Variants in PCDHA3 observed in about 807,000 individuals in gnomAD.
The protein encoded by PCDHA3 is protocadherin alpha-3.
Under a neutral mutation model 62.2 loss-of-function variants are expected in PCDHA3, and 41 were observed. The ratio of observed to expected loss-of-function variants is 0.66; its 90% CI spans 0.51 to 0.86. PCDHA3 has a LOEUF of 0.86. PCDHA3 is among the 40% of genes least tolerant of loss of function. PCDHA3 has a pLI of 0.00. For missense variants in PCDHA3, 1,304 were observed against 1,241.2 expected (o/e 1.05, Z -0.76); for synonymous variants, 640 against 555.4 (o/e 1.15, Z -2.14).
In PCDHA3 at chr5:140,862,537, C is replaced by A. The variant is rs56017024; in HGVS notation, c.2394+58946C>A. The A allele has an allele frequency of 9.8e-3, 4,308 of 440,540 alleles. 34 individuals carry two copies. The highest frequency in any genetic ancestry group is 0.014 in the Non-Finnish European group (3,070 of 217,342). The allele number at this position is 440,540 out of a possible 1,614,324, so 27.3% of individuals were successfully genotyped here. A position where few individuals can be genotyped will look rare whatever the true frequency, so the allele number is the denominator to read the frequency against. On this transcript the variant is annotated intron_variant, in intron 1 of 3. Transcript: ENST00000522353. The stretch of plus-strand genomic sequence containing the variant: ...CATTGTTGGCCACAGCCATCGGGTC[C>A]GTGGAAGTGGCCGAACAGTGAACCA...
At chr5:140,968,907 C>G in intron 1 of PCDHA3, 1 of 1,614,180 alleles carries the variant, frequency 6.2e-7, no homozygotes. Context: ...GCATTAAGCA[C>G]AGTGTCTTTT....
intron 1 of PCDHA3, among the ~76,000 whole-genome samples, chr5:140,962,617 G>A (rs189225320): frequency 3.8e-4 from 58 of 152,276 alleles, no homozygotes; most frequent in Non-Finnish European, 1.9e-4. Context: ...GAGGAAGGGA[G>A]ATGTGAAAAA....
chr5:140,872,817 T>G (rs1316271424), intron 1 of PCDHA3, among the ~76,000 whole-genome samples: 1 of 152,214 alleles, frequency 6.6e-6, no homozygotes, highest in African/African-American at 2.4e-5. Context: ...TTTTTCAGAT[T>G]CATCTAGCAG....
At chr5:140,869,044 C>T (rs2050811433) in intron 1 of PCDHA3, 1 of 1,530,006 alleles carries the variant, frequency 6.5e-7, no homozygotes, top group Non-Finnish European at 8.8e-7. Flanking sequence ...TAACCTGAAA[C>T]TGAAGAATCT....
intron 1 of PCDHA3, among the ~76,000 whole-genome samples, chr5:140,962,147 T>C (rs2095660496): frequency 1.3e-5 from 2 of 152,176 alleles, no homozygotes; most frequent in South Asian, 4.1e-4. Context: ...AGTGCTGGGA[T>C]TACAGGCGTG....
intron 1 of PCDHA3, among the ~76,000 whole-genome samples, chr5:140,974,639 G>A (rs896104665): frequency 2.0e-5 from 3 of 152,198 alleles, no homozygotes; most frequent in African/African-American, 7.2e-5. Context: ...AACCTCCCGA[G>A]TAGCTGAGAT....
At chr5:140,965,314 T>C (rs563123453) in intron 1 of PCDHA3, among the ~76,000 whole-genome samples, 1 of 152,254 alleles carries the variant, frequency 6.6e-6, no homozygotes, top group East Asian at 1.9e-4. Flanking sequence ...TACCTTCTCT[T>C]TTACTGAAGT....
intron 1 of PCDHA3, among the ~76,000 whole-genome samples, chr5:140,952,804 C>T (rs191550367): frequency 2.6e-5 from 4 of 152,282 alleles, no homozygotes; most frequent in Non-Finnish European, 5.9e-5. Flanking sequence ...GCTCGCAGTT[C>T]TGCAGGCTGT....
intron 1 of PCDHA3, chr5:140,807,743 G>A (rs1383891964): frequency 6.2e-7 from 1 of 1,614,054 alleles, no homozygotes. Context: ...ACCACCTGAT[G>A]ACGAGCTGGT....
chr5:140,843,822 A>G (rs1455613336), intron 1 of PCDHA3: 2 of 1,214,208 alleles, frequency 1.6e-6, no homozygotes, highest in African/African-American at 1.5e-5. Flanking sequence ...GTGAAAATTT[A>G]AACATTGTTT....
chr5:140,949,764 G>A (rs1168507534), intron 1 of PCDHA3, among the ~76,000 whole-genome samples: 2 of 151,746 alleles, frequency 1.3e-5, no homozygotes, highest in African/African-American at 2.4e-5. Flanking sequence ...TCACATTAGT[G>A]TAATATTTGA....
At chr5:140,999,837 A>T (rs2097878885) in intron 3 of PCDHA3, among the ~76,000 whole-genome samples, 1 of 152,206 alleles carries the variant, frequency 6.6e-6, no homozygotes, top group Non-Finnish European at 1.5e-5. Context: ...AAATATGCCA[A>T]GTGTATTTAT....
intron 1 of PCDHA3, chr5:140,823,826 G>C: frequency 6.2e-7 from 1 of 1,613,820 alleles, no homozygotes; most frequent in Non-Finnish European, 8.5e-7. Flanking sequence ...GCGTCGGCGG[G>C]CGCTGTGGGT....
chr5:140,892,332 T>C (rs552266223), intron 1 of PCDHA3, among the ~76,000 whole-genome samples: 41 of 152,392 alleles, frequency 2.7e-4, no homozygotes, highest in African/African-American at 9.9e-4. Flanking sequence ...TTCTCCAGAA[T>C]GGATTTTAAT....
chr5:140,930,985 A>G (rs2087229279), intron 1 of PCDHA3, among the ~76,000 whole-genome samples: 1 of 152,110 alleles, frequency 6.6e-6, no homozygotes, highest in Non-Finnish European at 1.5e-5. Context: ...TTTCTTCCTC[A>G]TGACCTACAC....
At chr5:140,849,809 G>A (rs147465571) in intron 1 of PCDHA3, 3 of 1,598,384 alleles carry the variant, frequency 1.9e-6, no homozygotes, top group East Asian at 2.2e-5. Context: ...TGTGGGCCAC[G>A]GCCAGGGTGT....
At chr5:140,877,928 TTC>T in intron 1 of PCDHA3, 1 of 1,415,260 alleles carries the variant, frequency 7.1e-7, no homozygotes, top group Non-Finnish European at 9.3e-7. Context: ...TTCTTTATGA[TTC>T]TATCCTTTAA....
Position 140,803,307 on chromosome 5 carries a change from A to G in PCDHA3, c.2110A>G (p.Ile704Val), listed in dbSNP as rs782683295. 9 of 1,614,134 alleles carry G rather than the reference A, an allele frequency of 5.6e-6. No individual in the cohort carries two copies. The highest frequency in any genetic ancestry group is 4.4e-5 in the South Asian group (4 of 91,090). Residue 704 changes from isoleucine to valine, a missense_variant, in exon 1 of 4, where the codon ATC becomes GTC. Coordinates refer to ENST00000522353, the MANE Select transcript of PCDHA3 (RefSeq NM_018906.3). The part of the protein sequence containing the change: ...VDVNVYLIVA[I>V]CAVSSLLVLT... ...TGTCAACGTGTACTTGATCGTCGCC[A>G]TCTGCGCGGTGTCCAGTCTGTTGGT...
At chr5:140,850,181 G>C in intron 1 of PCDHA3, 1 of 1,593,852 alleles carries the variant, frequency 6.3e-7, no homozygotes, top group South Asian at 1.1e-5. Context: ...ACGACAATGC[G>C]CCGGCGCTGC....
Sources: allele counts gnomAD v4.1 joint callset (sites outside exome capture counted in the v4.1 genomes callset), GRCh38; gene constraint gnomAD v4.1.1; transcripts MANE v1.5; gene names NCBI Gene and HGNC (gene_info 2026-07-23, HGNC 2026-07-21).